The following ZNF385D variants were observed in gnomAD, a reference collection of about 807,000 sequenced individuals.
ZNF385D encodes zinc finger protein 385D.
A neutral mutation model predicts 35.8 loss-of-function variants in ZNF385D; 15 were observed. The observed-to-expected ratio is 0.42, with a 90% CI of 0.28 to 0.64. ZNF385D has a LOEUF of 0.64. Among genes scored for constraint, ZNF385D ranks in the 30% least tolerant of loss-of-function variants. The probability of loss-of-function intolerance (pLI) is 0.23; values close to 1 mark genes in which losing one functional copy is unlikely to be tolerated. For missense variants in ZNF385D, 474 were observed against 494.6 expected (o/e 0.96, Z 0.39); for synonymous variants, 212 against 186.8 (o/e 1.13, Z -1.10).
chr3:21,867,925 T>G (rs1182888135), intron 3 of ZNF385D, among the ~76,000 whole-genome samples: 1 of 152,116 alleles, frequency 6.6e-6, no homozygotes. Context: ...TACTTCTAAT[T>G]TAAATTTACA....
chr3:22,289,434 A>G (rs73039213), intron 2 of ZNF385D, among the ~76,000 whole-genome samples: 4 of 152,322 alleles, frequency 2.6e-5, no homozygotes, highest in Non-Finnish European at 5.9e-5. Context: ...AGGTTCAAGA[A>G]GTAACCAAAA....
intron 3 of ZNF385D, among the ~76,000 whole-genome samples, chr3:21,813,614 C>G (rs1293088781): frequency 6.6e-6 from 1 of 151,938 alleles, no homozygotes; most frequent in South Asian, 2.1e-4. Flanking sequence ...GATTGAAGAT[C>G]AAATGAATGA....
At chr3:21,977,382 G>T (rs1439725111) in intron 3 of ZNF385D, among the ~76,000 whole-genome samples, 1 of 152,004 alleles carries the variant, frequency 6.6e-6, no homozygotes, top group Admixed American at 6.6e-5. Context: ...TTGTCTAGGG[G>T]GTTCCACAGC....
intron 3 of ZNF385D, among the ~76,000 whole-genome samples, chr3:21,770,358 C>A (rs1364783861): frequency 6.6e-6 from 1 of 152,100 alleles, no homozygotes; most frequent in Admixed American, 6.6e-5. Context: ...GGGCTAATAT[C>A]CAGAATCTAC....
intron 3 of ZNF385D, among the ~76,000 whole-genome samples, chr3:21,926,159 A>T (rs1054462652): frequency 1.3e-5 from 2 of 151,910 alleles, no homozygotes; most frequent in African/African-American, 4.8e-5. Flanking sequence ...TTATACTTTA[A>T]GTTCTGGAGT....
At chr3:21,976,992 A>AAAT (rs74758944) in intron 3 of ZNF385D, among the ~76,000 whole-genome samples, 20,965 of 151,766 alleles carry the variant, frequency 0.14, 1,610 homozygotes, top group Middle Eastern at 0.22. Flanking sequence ...CATCTCAGGA[A>AAAT]AATAATAATA....
At chr3:21,791,572 G>A (rs2071927266) in intron 3 of ZNF385D, among the ~76,000 whole-genome samples, 1 of 152,170 alleles carries the variant, frequency 6.6e-6, no homozygotes, top group South Asian at 2.1e-4. Flanking sequence ...AGTGCTTAGA[G>A]ACTTGAGTTC....
At chr3:22,188,693 G>A (rs894968765) in intron 2 of ZNF385D, among the ~76,000 whole-genome samples, 4 of 151,996 alleles carry the variant, frequency 2.6e-5, no homozygotes, top group Non-Finnish European at 5.9e-5. Flanking sequence ...TTTGTGATCC[G>A]CCTGTCTCAG....
intron 5 of ZNF385D, among the ~76,000 whole-genome samples, chr3:21,435,420 G>C (rs1701502672): frequency 6.6e-6 from 1 of 151,878 alleles, no homozygotes; most frequent in African/African-American, 2.4e-5. Flanking sequence ...ACCATGCCCA[G>C]CTAACATTTT....
At chr3:22,182,617 A>G (rs1012753152) in intron 2 of ZNF385D, among the ~76,000 whole-genome samples, 3 of 151,996 alleles carry the variant, frequency 2.0e-5, no homozygotes, top group Admixed American at 6.6e-5. Context: ...GAGAGAGTAG[A>G]AACTCATTAA....
At chr3:21,615,494 T>C (rs540278528) in intron 2 of ZNF385D, among the ~76,000 whole-genome samples, 14 of 152,188 alleles carry the variant, frequency 9.2e-5, no homozygotes, top group Admixed American at 2.0e-4. Context: ...TTCAAATTAG[T>C]ATGCTCCATA....
chr3:22,183,296 T>G (rs970475882), intron 2 of ZNF385D, among the ~76,000 whole-genome samples: 1 of 152,182 alleles, frequency 6.6e-6, no homozygotes, highest in Admixed American at 6.6e-5. Flanking sequence ...GGTAACAGTA[T>G]GCATTCTGCT....
intron 3 of ZNF385D, among the ~76,000 whole-genome samples, chr3:21,965,841 GAAGA>G (rs1320254840): frequency 1.3e-5 from 2 of 152,130 alleles, no homozygotes; most frequent in Admixed American, 6.5e-5. Flanking sequence ...CAAAAATATG[GAAGA>G]AAGAAGGGAG....
intron 3 of ZNF385D, among the ~76,000 whole-genome samples, chr3:22,155,848 T>C (rs1705550345): frequency 6.6e-6 from 1 of 152,114 alleles, no homozygotes; most frequent in African/African-American, 2.4e-5. Context: ...GTTAAAAGTT[T>C]TTAATTTGGG....
intron 2 of ZNF385D, among the ~76,000 whole-genome samples, chr3:21,604,733 G>C (rs2064424921): frequency 6.6e-6 from 1 of 152,126 alleles, no homozygotes; most frequent in African/African-American, 2.4e-5. Context: ...GAGTCTGAGT[G>C]AACAGTGAGT....
At chr3:21,858,517 A>G (rs542039240) in intron 3 of ZNF385D, among the ~76,000 whole-genome samples, 60 of 152,122 alleles carry the variant, frequency 3.9e-4, no homozygotes, top group African/African-American at 1.3e-3. Flanking sequence ...GTGTCCTTAT[A>G]AAAGAGGACC....
chr3:22,238,742 A>G (rs1321667241), intron 2 of ZNF385D, among the ~76,000 whole-genome samples: 1 of 149,448 alleles, frequency 6.7e-6, no homozygotes, highest in Non-Finnish European at 1.5e-5. Context: ...TTATATATAG[A>G]TTTTTTTTTA....
chr3:21,792,003 G>A (rs2071950640), intron 3 of ZNF385D, among the ~76,000 whole-genome samples: 1 of 152,190 alleles, frequency 6.6e-6, no homozygotes, highest in South Asian at 2.1e-4. Context: ...AAAGTGCTGG[G>A]ATTCCAGGCG....
chr3:22,029,990 G>A (rs1697832518), intron 3 of ZNF385D, among the ~76,000 whole-genome samples: 2 of 151,710 alleles, frequency 1.3e-5, no homozygotes, highest in African/African-American at 2.4e-5. Context: ...GTGGGCTGGG[G>A]AAGGCAGACC....
Sources: allele counts gnomAD v4.1 joint callset (sites outside exome capture counted in the v4.1 genomes callset), GRCh38; gene constraint gnomAD v4.1.1; transcripts MANE v1.5; gene names NCBI Gene and HGNC (gene_info 2026-07-23, HGNC 2026-07-21).